The following NEB variants were observed in gnomAD, a reference collection of about 807,000 sequenced individuals.
NEB encodes the protein nemaline myopathy type 2.
Under a neutral mutation model 952.2 loss-of-function variants are expected in NEB, and 512 were observed. That is an observed-to-expected ratio of 0.54 (90% CI 0.50 to 0.58). NEB has a LOEUF of 0.58. Ranked by LOEUF, NEB falls within the 20% of genes least tolerant of loss-of-function variation. The probability of loss-of-function intolerance (pLI) is 0.00; values close to 1 mark genes in which losing one functional copy is unlikely to be tolerated. For synonymous variants in NEB, 2,900 were observed against 3,149.8 expected, an observed-to-expected ratio of 0.92 and a Z score of 2.66; for missense variants, 8,428 against 9,231.1, an observed-to-expected ratio of 0.91 and a Z score of 3.56.
chr2:151,514,693 C>T (rs960258013), intron 158 of NEB, 125 bp downstream of exon 158: 11 of 713,770 alleles, frequency 1.5e-5, no homozygotes, highest in Middle Eastern at 2.4e-4. Context: ...GTACCAAGCA[C>T]ATGAGAACCC....
rs2153938761 is a variant in NEB, at chr2:151,604,553, T to C, written c.13059+7A>G. 1 of 313,702 alleles carries C rather than the reference T, an allele frequency of 3.2e-6. No homozygotes were observed. Among genetic ancestry groups the C allele is most frequent in the Non-Finnish European group, 5.2e-6 (1 of 190,614 alleles). The allele number at this position is 313,702 out of a possible 1,614,324, so 19.4% of individuals were successfully genotyped here. ...ATCTCCCCGGGGTCTGGCGATAATA[T>C]ACGCACATCGCTCTGCAGGTCGTAG... On this transcript the variant is annotated splice_region_variant and intron_variant, in intron 85 of 181. Transcript: ENST00000397345.
At chr2:151,657,869 G>T in intron 48 of NEB, 114 bp downstream of exon 48, 1 of 752,714 alleles carries the variant, frequency 1.3e-6, no homozygotes, top group Non-Finnish European at 2.2e-6. Context: ...CATTCACAGA[G>T]AGTGAGACCC....
At chr2:151,630,861 T>C (rs1394243550) in intron 66 of NEB, 42 bp from the exon 67 acceptor site, 13 of 1,485,146 alleles carry the variant, frequency 8.8e-6, no homozygotes, top group African/African-American at 1.4e-5. Context: ...TCATTTGAAA[T>C]AGAAATGACA....
chr2:151,518,872 CAGT>C (rs1435962910), intron 155 of NEB, 90 bp downstream of exon 155: 1 of 767,080 alleles, frequency 1.3e-6, no homozygotes, highest in African/African-American at 1.7e-5. Context: ...TCTAGGGTAT[CAGT>C]AGCAGAGAAG....
At chr2:151,667,562 A>C (rs1358589728) in intron 40 of NEB, among the ~76,000 whole-genome samples, 7 of 151,698 alleles carry the variant, frequency 4.6e-5, no homozygotes, top group African/African-American at 1.7e-4. Flanking sequence ...TAGAGATGGG[A>C]TCTCACTCTA....
chr2:151,722,533 G>T (rs1319236609), intron 9 of NEB, among the ~76,000 whole-genome samples: 2 of 152,116 alleles, frequency 1.3e-5, no homozygotes, highest in Middle Eastern at 3.4e-3. Context: ...AGTTGTTGTT[G>T]GTGTGGTCAT....
At chr2:151,698,446 G>A (rs553022931) in intron 13 of NEB, among the ~76,000 whole-genome samples, 1 of 152,098 alleles carries the variant, frequency 6.6e-6, no homozygotes, top group Admixed American at 6.5e-5. Context: ...TTATGGTTGG[G>A]GGGATTAAAA....
intron 42 of NEB, 143 bp from the exon 43 acceptor site, chr2:151,665,006 A>C (rs993071441): frequency 1.4e-6 from 1 of 698,778 alleles, no homozygotes; most frequent in Non-Finnish European, 2.4e-6. Flanking sequence ...AGATGGGCCA[A>C]GTAAACTAAA....
chr2:151,561,759 T>C (rs915214116), intron 121 of NEB, among the ~76,000 whole-genome samples: 7 of 152,244 alleles, frequency 4.6e-5, no homozygotes, highest in Middle Eastern at 3.4e-3. Context: ...CTGATCTTTT[T>C]CCTCCAAAAC....
chr2:151,539,956 G>A (rs2093810504), intron 138 of NEB, among the ~76,000 whole-genome samples: 1 of 152,102 alleles, frequency 6.6e-6, no homozygotes, highest in African/African-American at 2.4e-5. Flanking sequence ...AAGAGACTCG[G>A]AAAAATTAGA....
Position 151,493,338 on chromosome 2 carries a change from A to T in NEB, c.24765+15T>A. 6.4e-7 allele frequency: 1 copy of T among 1,571,834 alleles called. No individual in the cohort carries two copies. The highest frequency in any genetic ancestry group is 8.7e-7 in the Non-Finnish European group (1 of 1,143,102). On this transcript the variant is annotated intron_variant, in intron 176 of 181. Coordinates refer to ENST00000397345, the MANE Select transcript of NEB (RefSeq NM_001164508.2). ...CCAAGTTGTTGCACTATTTCTTTTT[A>T]GTCCTAGAAAATACCGAGCTAATGT...
Position 151,650,879 on chromosome 2 carries a change from A to G in NEB, c.6922T>C (p.Tyr2308His). 6.2e-7 allele frequency: 1 copy of G among 1,606,922 alleles called. No individual in the cohort carries two copies. The highest frequency in any genetic ancestry group is 1.1e-5 in the South Asian group (1 of 89,986). Residue 2308 changes from tyrosine (Y) to histidine (H), a missense_variant, in exon 53 of 182, where the codon TAC becomes CAC. By Grantham distance (83) the Tyr-to-His change is moderately conservative (BLOSUM62 2). This residue lies in a region of NEB where 2,851 missense variants were observed against 2,791.5 expected (regional missense o/e 1.02). Transcript: ENST00000397345. ...AGTTGCTTTCGGTAGCCTTGTTTGTATTTATACTGAAATCAGAGAAAACAC... is the reference window on the plus strand; with the variant it reads ...AGTTGCTTTCGGTAGCCTTGTTTGTGTTTATACTGAAATCAGAGAAAACAC... ...ASRDIASDYK[Y>H]KQGYRKQLGH... is the part of the protein sequence containing the mutation.
chr2:151,655,383 T>C lies in NEB; in HGVS notation c.6703-9A>G, dbSNP rs1356376403. 6.7e-7 allele frequency: 1 copy of C among 1,490,558 alleles called. No homozygotes were observed. Among genetic ancestry groups the C allele is most frequent in the African/African-American group, 1.4e-5 (1 of 71,492 alleles). The allele number at this position is 1,490,558 out of a possible 1,614,324, so 92.3% of individuals were successfully genotyped here. On this transcript the variant is annotated splice_polypyrimidine_tract_variant and intron_variant, in intron 50 of 181. Coordinates refer to ENST00000397345, the MANE Select transcript of NEB (RefSeq NM_001164508.2). ...TCAATGGTGTATAAATGCTAGGAAG[T>C]GGGAAAAAAAGACATGAAATTTGAA... is the stretch of plus-strand genomic sequence containing the variant.
intron 5 of NEB, 130 bp downstream of exon 5, chr2:151,727,561 A>T: frequency 1.2e-6 from 1 of 802,258 alleles, no homozygotes; most frequent in Non-Finnish European, 1.9e-6. Flanking sequence ...AGAGCCTATA[A>T]TTTGCAAAAT....
chr2:151,573,241 T>C (rs1171945078), intron 107 of NEB, among the ~76,000 whole-genome samples: 1 of 152,250 alleles, frequency 6.6e-6, no homozygotes, highest in East Asian at 1.9e-4. Flanking sequence ...GAAGTCATTC[T>C]CATTAATATC....
At chr2:151,648,260 C>T (rs563230733) in intron 54 of NEB, among the ~76,000 whole-genome samples, 11 of 152,178 alleles carry the variant, frequency 7.2e-5, no homozygotes, top group African/African-American at 2.6e-4. Context: ...TTGAGGTATG[C>T]AGCATGAGAT....
rs2096824509 is a variant in NEB, at chr2:151,576,256, A to G, written c.16803T>C (p.Phe5601=). ...VLRVKNAQNI[F]CDSVYRTPVV... The stretch of plus-strand genomic sequence containing the variant: ...CAGGCGTCCGATAGACACTGTCACA[A>G]AAGATATTCTGGGCGTTTTTGACTC... Residue 5601 remains phenylalanine, a synonymous_variant, in exon 106 of 182, where the codon TTT becomes TTC. Transcript: ENST00000397345. The G allele has an allele frequency of 6.2e-7, 1 of 1,611,398 alleles. No homozygotes were observed. The highest frequency in any genetic ancestry group is 1.3e-5 in the African/African-American group (1 of 74,848).
chr2:151,497,385 CATT>C (rs1216127976), intron 171 of NEB: 2 of 979,064 alleles, frequency 2.0e-6, no homozygotes, highest in Non-Finnish European at 2.4e-6. Flanking sequence ...CTGAAAAACT[CATT>C]ATTTTAAAAA....
At chr2:151,671,679 T>C (rs886451272) in intron 37 of NEB, among the ~76,000 whole-genome samples, 2 of 152,250 alleles carry the variant, frequency 1.3e-5, no homozygotes, top group Non-Finnish European at 2.9e-5. Context: ...AATTGGGCTT[T>C]CCTTTTGATT....
Sources: gnomAD v4.1 joint callset for allele counts (sites outside exome capture counted in the v4.1 genomes callset) on GRCh38, gnomAD v4.1.1 for gene constraint, gnomAD v4.1.1 regional missense constraint, MANE v1.5 for transcripts, NCBI Gene and HGNC (gene_info 2026-07-23, HGNC 2026-07-21) for gene names.